Variants in TBC1D16 observed in about 807,000 individuals in gnomAD.
The protein encoded by TBC1D16 is TBC1 domain family member 16.
In TBC1D16, 58 loss-of-function variants were observed where a neutral mutation model predicts 74.7. That is an observed-to-expected ratio of 0.78 (90% CI 0.63 to 0.97). TBC1D16 has a LOEUF of 0.97. TBC1D16 is among the 50% of genes least tolerant of loss of function. The pLI is 0.00. For synonymous variants in TBC1D16, 493 were observed against 474.7 expected, an observed-to-expected ratio of 1.04 and a Z score of -0.50; for missense variants, 1,014 against 1,079.5, an observed-to-expected ratio of 0.94 and a Z score of 0.85.
At chr17:79,948,300 G>C (rs1454854720) in intron 8 of TBC1D16, among the ~76,000 whole-genome samples, 3 of 130,864 alleles carry the variant, frequency 2.3e-5, no homozygotes, top group African/African-American at 8.9e-5. Context: ...ATGACAGAGC[G>C]AGACTCCGTC....
chr17:79,987,461 G>T lies in TBC1D16; in HGVS notation c.779+22699C>A, dbSNP rs2034886636. Among the ~76,000 whole-genome samples, 1 of 151,992 alleles carries T rather than the reference G, an allele frequency of 6.6e-6. No individual in the cohort carries two copies. On this transcript the variant is annotated intron_variant, in intron 3 of 11. Coordinates refer to ENST00000310924, the MANE Select transcript of TBC1D16 (RefSeq NM_019020.4). The surrounding 1 kb of genome is among the most constrained non-coding windows in gnomAD (Gnocchi z 5.2). The stretch of plus-strand genomic sequence containing the variant: ...GGGGTCTCGCTATGTTGTCCAGGCT[G>T]ATCTTGAACTCCTGGGCTCAAGCGC...
rs2035806669 is a variant in TBC1D16, at chr17:80,009,752, A to G, written c.779+408T>C. ...TGGGCCAGCCCTGTGCGTGAGCCTAATGATGCCACCCGGGCCTCTTGGGCA... is the reference window on the plus strand; with the variant it reads ...TGGGCCAGCCCTGTGCGTGAGCCTAGTGATGCCACCCGGGCCTCTTGGGCA... On this transcript the variant is annotated intron_variant, in intron 3 of 11. Transcript: ENST00000310924. This position sits in a 1 kb window ranked among gnomAD's most constrained non-coding sequence, Gnocchi z 5.4. Among the ~76,000 whole-genome samples, 1 of 152,180 alleles carries G rather than the reference A, an allele frequency of 6.6e-6. No individual in the cohort carries two copies. The highest frequency in any genetic ancestry group is 1.5e-5 in the Non-Finnish European group (1 of 68,018).
chr17:80,010,449 G>A lies in TBC1D16; in HGVS notation c.490C>T (p.Leu164=), dbSNP rs777272975. The A allele has an allele frequency of 1.9e-6, 3 of 1,609,330 alleles. No homozygotes were observed. In the Admixed American group the frequency reaches 5.1e-5, roughly 27 times the overall value. The change falls in exon 3 of 12, where the codon CTG becomes TTG. Residue 164 remains leucine, a synonymous_variant. Transcript: ENST00000310924. This position sits in a 1 kb window ranked among gnomAD's most constrained non-coding sequence, Gnocchi z 8.8. ...CCATCCACCCCCAAGCCCTGCGCCA[G>A]CTTCTCCTCATCCTCTGGCGCAGGG... is the stretch of plus-strand genomic sequence containing the variant. ...ASPAPEDEEK[L]AQGLGVDGAQ... is the part of the protein sequence containing the mutation.
At position 80,023,471 on chromosome 17, in the gene TBC1D16, C is replaced by T. The variant is rs573271619; in HGVS notation, c.-62-9862G>A. Among the ~76,000 whole-genome samples the T allele has an allele frequency of 2.9e-4, 44 of 150,142 alleles. 7 individuals are homozygous for T. The highest frequency in any genetic ancestry group is 1.0e-3 in the African/African-American group (41 of 39,516). ...CAAGCTCGTCAGAGACCCTTCCCTG[C>T]GGAGGCCCACAGCCCCTGCGGCCAC... On this transcript the variant is annotated intron_variant, in intron 1 of 11. Transcript: ENST00000310924.
intron 3 of TBC1D16, among the ~76,000 whole-genome samples, chr17:79,978,128 G>C (rs147881738): frequency 1.3e-5 from 2 of 152,330 alleles, no homozygotes; most frequent in African/African-American, 4.8e-5. Context: ...CCGACATCCC[G>C]CATGCACCGA....
chr17:80,014,229 C>T (rs947734129), intron 1 of TBC1D16, among the ~76,000 whole-genome samples: 1 of 151,986 alleles, frequency 6.6e-6, no homozygotes, highest in Non-Finnish European at 1.5e-5. Context: ...CGGTGGCGGG[C>T]GCCTACAGTC....
intron 9 of TBC1D16, among the ~76,000 whole-genome samples, chr17:79,945,863 G>T (rs887324722): frequency 9.2e-5 from 14 of 152,230 alleles, no homozygotes; most frequent in African/African-American, 3.4e-4. Context: ...GATCACAGCT[G>T]GGGGGATCCT....
At position 79,940,575 on chromosome 17, in the gene TBC1D16, CA is replaced by C; in HGVS notation, c.*283del. On this transcript the variant is annotated 3_prime_UTR_variant, in exon 12 of 12. Coordinates refer to ENST00000310924, the MANE Select transcript of TBC1D16 (RefSeq NM_019020.4). This position sits in a 1 kb window ranked among gnomAD's most constrained non-coding sequence, Gnocchi z 5.4. ...ACATGTTGAAATCCTCCAGGGCAGC[CA>C]GCAGGAGAGCCCAGCCAGCCTGCGT... The C allele has an allele frequency of 3.1e-6, 1 of 319,126 alleles. No homozygotes were observed. Among genetic ancestry groups the C allele is most frequent in the Non-Finnish European group, 5.7e-6 (1 of 174,916 alleles). The allele number at this position is 319,126 out of a possible 1,614,324, so 19.8% of individuals were successfully genotyped here.
intron 3 of TBC1D16, among the ~76,000 whole-genome samples, chr17:79,976,020 T>C: frequency 6.6e-6 from 1 of 152,196 alleles, no homozygotes; most frequent in East Asian, 1.9e-4. Context: ...ACTTGGCCAT[T>C]GCCAAGTTCT....
intron 10 of TBC1D16, among the ~76,000 whole-genome samples, chr17:79,943,626 A>C (rs1166082195): frequency 6.9e-6 from 1 of 145,270 alleles, no homozygotes; most frequent in East Asian, 2.2e-4. Flanking sequence ...CCGTGGCTAA[A>C]TCAAGCCCAC....
intron 1 of TBC1D16, among the ~76,000 whole-genome samples, chr17:80,014,839 G>A (rs2036029234): frequency 6.6e-6 from 1 of 152,190 alleles, no homozygotes; most frequent in African/African-American, 2.4e-5. Flanking sequence ...CCTGGCCATA[G>A]GTAGGCTCAG....
In TBC1D16 at chr17:80,010,597, C is replaced by T. The variant is rs779636850; in HGVS notation, c.342G>A (p.Arg114=). 1.8e-5 allele frequency: 29 copies of T among 1,589,152 alleles called. No homozygotes were observed. In the South Asian group the frequency reaches 2.7e-4, roughly 15 times the overall value. Residue 114 remains arginine (R), a synonymous_variant, in exon 3 of 12, where the codon CGG becomes CGA. Coordinates refer to ENST00000310924, the MANE Select transcript of TBC1D16 (RefSeq NM_019020.4). The surrounding 1 kb of genome is among the most constrained non-coding windows in gnomAD (Gnocchi z 8.8). The stretch of plus-strand genomic sequence containing the variant: ...GGGAGGCTCCTGAGCTCCGGGTGCG[C>T]CGGCCCCGAGGGCGGGGTGCCTTGC... ...PVRKAPRPRG[R]RTRSSGASHQ... is the part of the protein sequence containing the mutation.
At position 79,933,869 on chromosome 17, in the gene TBC1D16, C is replaced by T. The variant is rs1366991861; in HGVS notation, c.*6990G>A. ...AGCGAGCCCACGGTACCATAGTCCT[C>T]GTGGGATGAATGCATGAATGATGTG... On this transcript the variant is annotated 3_prime_UTR_variant, in exon 12 of 12. Coordinates refer to ENST00000310924, the MANE Select transcript of TBC1D16 (RefSeq NM_019020.4). 1 of 152,278 alleles carries T rather than the reference C, an allele frequency of 6.6e-6. No homozygotes were observed. The highest frequency in any genetic ancestry group is 2.4e-5 in the African/African-American group (1 of 41,444). The allele number at this position is 152,278 out of a possible 1,614,324, so 9.4% of individuals were successfully genotyped here.
chr17:79,947,771 C>G lies in TBC1D16; in HGVS notation c.1602G>C (p.Ser534=). 3 of 1,613,932 alleles carry G rather than the reference C, an allele frequency of 1.9e-6. No individual in the cohort carries two copies. Among genetic ancestry groups the G allele is most frequent in the Non-Finnish European group, 2.5e-6 (3 of 1,179,992 alleles). ...NPAVGYSQGM[S]DLVAPILAEV... ...CGGCCAAGATGGGCGCCACCAGGTC[C>G]GACATCCCTTGGGAATAGCCGACGG... Residue 534 remains serine, a synonymous_variant, in exon 9 of 12, where the codon TCG becomes TCC. Coordinates refer to ENST00000310924, the MANE Select transcript of TBC1D16 (RefSeq NM_019020.4).
intron 8 of TBC1D16, among the ~76,000 whole-genome samples, chr17:79,948,312 C>CA (rs35346852): frequency 0.66 from 90,289 of 136,434 alleles, 30,136 homozygotes; most frequent in Non-Finnish European, 0.72. Context: ...GACTCCGTCT[C>CA]AAAAAAAAAA....
rs1364110453 is a variant in TBC1D16, at chr17:79,980,719, C to G, written c.780-27901G>C. Among the ~76,000 whole-genome samples the G allele has an allele frequency of 6.6e-6, 1 of 152,208 alleles. No individual in the cohort carries two copies. Among genetic ancestry groups the G allele is most frequent in the African/African-American group, 2.4e-5 (1 of 41,444 alleles). On this transcript the variant is annotated intron_variant, in intron 3 of 11. Transcript: ENST00000310924. The surrounding 1 kb of genome is among the most constrained non-coding windows in gnomAD (Gnocchi z 7.0). ...GCCTTTCAGCCCCCCAGGGTTCACT[C>G]GAACCGCCTCCGCGCACCCCAACAG... is the stretch of plus-strand genomic sequence containing the variant.
At position 79,941,245 on chromosome 17, in the gene TBC1D16, G is replaced by T. The variant is rs2031951987; in HGVS notation, c.2056-138C>A. Reference sequence around the variant, plus strand: ...GGGCTCACCGAGTCCTGGACTGAGGGCTCTGCCTGCATCTCCCACCATCAC... The same window carrying T: ...GGGCTCACCGAGTCCTGGACTGAGGTCTCTGCCTGCATCTCCCACCATCAC... On this transcript the variant is annotated intron_variant, in intron 11 of 11. Transcript: ENST00000310924. The surrounding 1 kb of genome is among the most constrained non-coding windows in gnomAD (Gnocchi z 4.3). 9.8e-6 allele frequency: 8 copies of T among 816,234 alleles called. No individual in the cohort carries two copies. The highest frequency in any genetic ancestry group is 1.5e-5 in the Non-Finnish European group (8 of 540,432). 50.6% of individuals were successfully genotyped at this position (816,234 alleles called of 1,614,324 possible). A position where few individuals can be genotyped will look rare whatever the true frequency, so the allele number is the denominator to read the frequency against.
chr17:80,032,440 G>A (rs1407530632), intron 1 of TBC1D16, among the ~76,000 whole-genome samples: 1 of 152,124 alleles, frequency 6.6e-6, no homozygotes, highest in African/African-American at 2.4e-5. Flanking sequence ...ACAGTGGCCC[G>A]ATTTCTCTCA....
chr17:79,967,092 TA>T (rs899767110), intron 3 of TBC1D16, among the ~76,000 whole-genome samples: 13 of 151,768 alleles, frequency 8.6e-5, no homozygotes, highest in East Asian at 3.9e-4. Flanking sequence ...CCAACAACTA[TA>T]AAAAAAACCC....
Sources: gnomAD v4.1 joint callset for allele counts (sites outside exome capture counted in the v4.1 genomes callset) on GRCh38, gnomAD v4.1.1 for gene constraint, Gnocchi (gnomAD v3.1) non-coding constraint, MANE v1.5 for transcripts, NCBI Gene and HGNC (gene_info 2026-07-23, HGNC 2026-07-21) for gene names.